The following SLC5A1 variants were observed in gnomAD, a reference collection of about 807,000 sequenced individuals.
SLC5A1 encodes solute carrier family 5 member 1.
Under a neutral mutation model 73.5 loss-of-function variants are expected in SLC5A1, and 42 were observed. The ratio of observed to expected loss-of-function variants is 0.57; its 90% CI spans 0.45 to 0.74. The LOEUF (loss-of-function observed/expected upper bound fraction) is 0.74, where lower values mean the gene tolerates loss of function less well. Among genes scored for constraint, SLC5A1 ranks in the 30% least tolerant of loss-of-function variants. The pLI, the probability that SLC5A1 is intolerant of heterozygous loss-of-function variation, is 0.00. For missense variants in SLC5A1, 634 were observed against 855.4 expected (o/e 0.74, Z 3.23); for synonymous variants, 300 against 317.4 (o/e 0.95, Z 0.58).
chr22:32,067,984 T>C lies in SLC5A1; in HGVS notation c.330T>C (p.Val110=). 6.2e-7 allele frequency: 1 copy of C among 1,614,208 alleles called. No homozygotes were observed. The change falls in exon 4 of 15, where the codon GTT becomes GTC. Residue 110 remains valine (V), a synonymous_variant. Transcript: ENST00000266088. Reference sequence around the variant, plus strand: ...CATTTCAGGCCCTGGTTTTGGTGGTTGTGCTGGGCTGGCTGTTTGTCCCCA... The same window carrying C: ...CATTTCAGGCCCTGGTTTTGGTGGTCGTGCTGGGCTGGCTGTTTGTCCCCA... ...GFEWNALVLV[V]VLGWLFVPIY...
chr22:32,057,462 C>T (rs1315088744), intron 2 of SLC5A1, among the ~76,000 whole-genome samples: 2 of 152,082 alleles, frequency 1.3e-5, no homozygotes, highest in Non-Finnish European at 2.9e-5. Context: ...GATGGGGTCT[C>T]ACTATGTTGC....
At chr22:32,056,868 T>G (rs1318804424) in intron 2 of SLC5A1, among the ~76,000 whole-genome samples, 2 of 152,212 alleles carry the variant, frequency 1.3e-5, no homozygotes. Context: ...TTCAGGAAAT[T>G]CAGGGTAATC....
At chr22:32,095,345 ATC>A (rs1416833328) in intron 11 of SLC5A1, among the ~76,000 whole-genome samples, 1 of 152,190 alleles carries the variant, frequency 6.6e-6, no homozygotes, top group Non-Finnish European at 1.5e-5. Context: ...TTCTGTAAAT[ATC>A]TGTTAAGTCC....
intron 2 of SLC5A1, among the ~76,000 whole-genome samples, chr22:32,060,050 C>CAT (rs1311261921): frequency 2.2e-5 from 3 of 136,296 alleles, no homozygotes; most frequent in African/African-American, 8.2e-5. Context: ...CACACACACA[C>CAT]ACATATATAC....
rs1394079401 is a variant in SLC5A1 at position 32,110,106 on chromosome 22, A to G, written c.1888A>G (p.Met630Val). Residue 630 changes from methionine to valine, a missense_variant, in exon 15 of 15, where the codon ATG becomes GTG. Physicochemically the swap from Met to Val is conservative, Grantham distance 21. This residue lies in a region of SLC5A1 where 161 missense variants were observed against 178.7 expected (regional missense o/e 0.90). Transcript: ENST00000266088. ...TGAGGAAGAGGAGAAAGCCATGAAG[A>G]TGAAGATGACGGACACCTCTGAGAA... ...MTEEEEKAMKMKMTDTSEKPL... is the reference protein window; with the variant it reads ...MTEEEEKAMKVKMTDTSEKPL... 1 of 1,614,196 alleles carries G rather than the reference A, an allele frequency of 6.2e-7. No homozygotes were observed. The highest frequency in any genetic ancestry group is 8.5e-7 in the Non-Finnish European group (1 of 1,180,010).
intron 2 of SLC5A1, among the ~76,000 whole-genome samples, chr22:32,058,014 A>G (rs2093954397): frequency 6.6e-6 from 1 of 152,214 alleles, no homozygotes; most frequent in Admixed American, 6.5e-5. Context: ...CCCTTGTGAA[A>G]AAACTGGAAA....
intron 2 of SLC5A1, among the ~76,000 whole-genome samples, chr22:32,054,128 G>A (rs938742574): frequency 2.0e-5 from 3 of 152,066 alleles, no homozygotes; most frequent in Non-Finnish European, 4.4e-5. Flanking sequence ...AGCTGAGATC[G>A]CACCATTGCA....
At chr22:32,082,813 C>T (rs973385141) in intron 6 of SLC5A1, among the ~76,000 whole-genome samples, 1 of 152,288 alleles carries the variant, frequency 6.6e-6, no homozygotes, top group South Asian at 2.1e-4. Flanking sequence ...CATCTTCTGG[C>T]TCAAAAGGGT....
intron 2 of SLC5A1, among the ~76,000 whole-genome samples, chr22:32,060,152 C>CACAT (rs1569302288): frequency 2.0e-4 from 6 of 29,818 alleles, no homozygotes; most frequent in African/African-American, 2.6e-4. Flanking sequence ...CATACACACA[C>CACAT]ACACACACAC....
chr22:32,097,532 ACT>A lies in SLC5A1; in HGVS notation c.1281-1649_1281-1648del, dbSNP rs58974258. ...CAGTCTTTTCAGGACTTGAAGTGAA[ACT>A]CAGCAGGAGGAGAGGTAGAAATACC... On this transcript the variant is annotated intron_variant, in intron 11 of 14. Transcript: ENST00000266088. Among the ~76,000 whole-genome samples the A allele has an allele frequency of 4.5e-3, 682 of 152,278 alleles. 3 individuals carry two copies. Among genetic ancestry groups the A allele is most frequent in the African/African-American group, 0.014 (577 of 41,546 alleles).
intron 7 of SLC5A1, 134 bp downstream of exon 7, chr22:32,083,288 G>A (rs568570423): frequency 8.3e-6 from 6 of 725,974 alleles, no homozygotes; most frequent in South Asian, 5.1e-5. Context: ...CCTTCCAAAC[G>A]GAGGGTCCAG....
chr22:32,102,238 G>A lies in SLC5A1; in HGVS notation c.1665+1G>A. On this transcript the variant is annotated splice_donor_variant, in intron 13 of 14. Coordinates refer to ENST00000266088, the MANE Select transcript of SLC5A1 (RefSeq NM_000343.4). LOFTEE classifies it high-confidence loss of function. ...CACCAAACCCATTCCGGATGTGCATGTGAGTATCCATTTAGGGGATCTGTC... is the reference window on the plus strand; with the variant it reads ...CACCAAACCCATTCCGGATGTGCATATGAGTATCCATTTAGGGGATCTGTC... 1 of 1,605,984 alleles carries A rather than the reference G, an allele frequency of 6.2e-7. No individual in the cohort carries two copies. Among genetic ancestry groups the A allele is most frequent in the Non-Finnish European group, 8.5e-7 (1 of 1,172,760 alleles).
At chr22:32,063,382 C>T (rs2093966832) in intron 2 of SLC5A1, among the ~76,000 whole-genome samples, 2 of 152,330 alleles carry the variant, frequency 1.3e-5, no homozygotes, top group East Asian at 1.9e-4. Context: ...CATTTGACTC[C>T]TGCACCAACC....
chr22:32,051,589 A>T (rs943928897), intron 2 of SLC5A1, among the ~76,000 whole-genome samples: 2 of 152,062 alleles, frequency 1.3e-5, no homozygotes, highest in Non-Finnish European at 2.9e-5. Context: ...TGGGAAGGTG[A>T]AGGCTACAGT....
rs1457860223 is a variant in SLC5A1 at position 32,091,673 on chromosome 22, C to T, written c.1191C>T (p.Ile397=). The T allele has an allele frequency of 1.2e-6, 2 of 1,614,168 alleles. No individual in the cohort carries two copies. The highest frequency in any genetic ancestry group is 1.7e-6 in the Non-Finnish European group (2 of 1,180,022). Residue 397 remains isoleucine, a synonymous_variant, in exon 11 of 15, where the codon ATC becomes ATT. Coordinates refer to ENST00000266088, the MANE Select transcript of SLC5A1 (RefSeq NM_000343.4). The stretch of plus-strand genomic sequence containing the variant: ...CCCTCATGAGCTCCCTGACCTCCAT[C>T]TTCAACAGCGCCAGCACCCTCTTCA... ...LASLMSSLTS[I]FNSASTLFTM... is the part of the protein sequence containing the mutation.
rs7284975 is a variant in SLC5A1 at position 32,046,528 on chromosome 22, G to T, written c.135+3112G>T. On this transcript the variant is annotated intron_variant, in intron 1 of 14. Transcript: ENST00000266088. ...CTCTGACAGAGAGGATATTCCTTTT[G>T]GCTCTGGGCTCAGACGCGATGTCCT... 6.0e-3 allele frequency among the ~76,000 whole-genome samples: 920 copies of T among 152,194 alleles called. 7 individuals carry two copies. Among genetic ancestry groups the T allele is most frequent in the African/African-American group, 0.021 (862 of 41,524 alleles).
chr22:32,050,216 C>T (rs2093943462), intron 2 of SLC5A1, among the ~76,000 whole-genome samples: 1 of 152,142 alleles, frequency 6.6e-6, no homozygotes, highest in Non-Finnish European at 1.5e-5. Context: ...AAATAAATCA[C>T]CCTTAGAGTC....
chr22:32,050,942 A>G (rs1420360693), intron 2 of SLC5A1, among the ~76,000 whole-genome samples: 1 of 152,214 alleles, frequency 6.6e-6, no homozygotes, highest in Non-Finnish European at 1.5e-5. Flanking sequence ...ATGTGGCACC[A>G]GGGTTTGCCA....
At chr22:32,049,868 G>GGGGA (rs1211258891) in intron 1 of SLC5A1, 75 bp from the exon 2 acceptor site, 2 of 1,120,654 alleles carry the variant, frequency 1.8e-6, no homozygotes, top group Non-Finnish European at 2.7e-6. Context: ...GTGCACGAAT[G>GGGGA]GGGAGGTATG....
Sources: allele counts gnomAD v4.1 joint callset (sites outside exome capture counted in the v4.1 genomes callset), GRCh38; gene constraint gnomAD v4.1.1; regional missense constraint gnomAD v4.1.1; transcripts MANE v1.5; gene names NCBI Gene and HGNC (gene_info 2026-07-23, HGNC 2026-07-21).